Variants in RBM47 observed in about 807,000 individuals in gnomAD.
The protein encoded by RBM47 is RNA binding motif protein 47.
In RBM47, 21 loss-of-function variants were observed where a neutral mutation model predicts 47.1. That is an observed-to-expected ratio of 0.45 (90% CI 0.32 to 0.64). The LOEUF is 0.64. RBM47 is among the 30% of genes least tolerant of loss of function. RBM47 has a pLI of 0.05. For synonymous variants in RBM47, 375 were observed against 361.7 expected (o/e 1.04, Z -0.42); for missense variants, 708 against 870.9 (o/e 0.81, Z 2.35).
chr4:40,616,874 C>CTTTTTTTTTTTTTTTTTTT (rs1300005872), intron 1 of RBM47, among the ~76,000 whole-genome samples: 4 of 111,668 alleles, frequency 3.6e-5, no homozygotes, highest in Non-Finnish European at 5.2e-5. Flanking sequence ...ATTTTCTTTT[C>CTTTTTTTTTTTTTTTTTTT]TTTTTTTTTT....
chr4:40,507,935 G>A (rs13106220), intron 2 of RBM47, among the ~76,000 whole-genome samples: 39,125 of 151,700 alleles, frequency 0.26, 5,462 homozygotes, highest in African/African-American at 0.32. Flanking sequence ...GCGTGGTGGC[G>A]CATGCCTGTA....
chr4:40,426,876 CTCAA>C (rs1715135211), intron 6 of RBM47: 1 of 152,304 alleles, frequency 6.6e-6, no homozygotes, highest in African/African-American at 2.4e-5. Context: ...TACCATTCCA[CTCAA>C]TCAGTCTATG....
intron 2 of RBM47, among the ~76,000 whole-genome samples, chr4:40,492,243 G>T (rs1214150521): frequency 6.6e-6 from 1 of 151,984 alleles, no homozygotes; most frequent in Admixed American, 6.6e-5. Context: ...GGGGGTATGC[G>T]CCTGTAGTCC....
At chr4:40,472,628 G>GA (rs1264119746) in intron 2 of RBM47, among the ~76,000 whole-genome samples, 5 of 150,316 alleles carry the variant, frequency 3.3e-5, no homozygotes, top group African/African-American at 7.3e-5. Flanking sequence ...GGACTAAAAT[G>GA]AAAAAAATGG....
chr4:40,629,513 T>C lies in RBM47; in HGVS notation c.-357A>G, dbSNP rs1229221449. 6.6e-6 allele frequency: 1 copy of C among 152,188 alleles called. No individual in the cohort carries two copies. Among genetic ancestry groups the C allele is most frequent in the African/African-American group, 2.4e-5 (1 of 41,446 alleles). The allele number at this position is 152,188 out of a possible 1,614,324, so 9.4% of individuals were successfully genotyped here. On this transcript the variant is annotated 5_prime_UTR_variant, in exon 1 of 7. Coordinates refer to ENST00000295971, the MANE Select transcript of RBM47 (RefSeq NM_001098634.2). ...AACATCTTCTCGTCCGCCTTCTTTT[T>C]AATGTAAAACCAAAATAAGGAGTGT... is the stretch of plus-strand genomic sequence containing the variant.
At chr4:40,592,897 G>A (rs1369779452) in intron 1 of RBM47, among the ~76,000 whole-genome samples, 4 of 122,764 alleles carry the variant, frequency 3.3e-5, no homozygotes, top group African/African-American at 1.3e-4. Context: ...GTTTACTAAC[G>A]TCCTCATCCA....
intron 3 of RBM47, among the ~76,000 whole-genome samples, chr4:40,454,425 A>G (rs776019513): frequency 1.3e-5 from 2 of 152,188 alleles, no homozygotes; most frequent in Non-Finnish European, 2.9e-5. Context: ...GAATGAAGCT[A>G]AGTAAGGGTG....
At chr4:40,582,303 G>GC (rs1403955839) in intron 1 of RBM47, among the ~76,000 whole-genome samples, 1 of 152,124 alleles carries the variant, frequency 6.6e-6, no homozygotes, top group African/African-American at 2.4e-5. Context: ...GGAGGCCAAG[G>GC]CAGGAGGATC....
chr4:40,518,000 A>C (rs575802685), intron 2 of RBM47, among the ~76,000 whole-genome samples: 1 of 152,224 alleles, frequency 6.6e-6, no homozygotes, highest in East Asian at 1.9e-4. Flanking sequence ...TATATAAACA[A>C]ATGCCAGAAT....
intron 3 of RBM47, among the ~76,000 whole-genome samples, chr4:40,443,717 CAAAAAAAAAAA>C (rs10581870): frequency 2.1e-4 from 10 of 47,720 alleles, no homozygotes; most frequent in South Asian, 1.4e-3. Context: ...AACTCCTTCT[CAAAAAAAAAAA>C]AAAAAAAAAA....
At chr4:40,472,018 A>G (rs7672163) in intron 2 of RBM47, among the ~76,000 whole-genome samples, 35,411 of 152,062 alleles carry the variant, frequency 0.23, 5,174 homozygotes, top group African/African-American at 0.4. Flanking sequence ...ACCATATGAA[A>G]TTGCTATTTT....
chr4:40,538,810 A>G (rs941204685), intron 2 of RBM47, among the ~76,000 whole-genome samples: 5 of 150,324 alleles, frequency 3.3e-5, no homozygotes, highest in African/African-American at 1.2e-4. Flanking sequence ...ATTTTTTTGT[A>G]TTTTTAATAG....
At chr4:40,487,910 T>C (rs1328088970) in intron 2 of RBM47, among the ~76,000 whole-genome samples, 1 of 149,846 alleles carries the variant, frequency 6.7e-6, no homozygotes. Context: ...TATTTTGTAA[T>C]TTCTCTGCAC....
At chr4:40,430,802 A>T (rs1715867755) in intron 6 of RBM47, among the ~76,000 whole-genome samples, 1 of 152,202 alleles carries the variant, frequency 6.6e-6, no homozygotes, top group Non-Finnish European at 1.5e-5. Flanking sequence ...TCTGTTTTTT[A>T]AAAAATGTAG....
chr4:40,623,668 G>A (rs184315349), intron 1 of RBM47, among the ~76,000 whole-genome samples: 8 of 152,124 alleles, frequency 5.3e-5, no homozygotes, highest in Admixed American at 3.9e-4. Context: ...GAACCACCAC[G>A]CTCAGCTCTT....
intron 2 of RBM47, among the ~76,000 whole-genome samples, chr4:40,539,689 G>A (rs1407404108): frequency 2.4e-5 from 3 of 123,742 alleles, no homozygotes; most frequent in Non-Finnish European, 3.2e-5. Context: ...GCAGTCAACC[G>A]AGATTGTGCC....
chr4:40,506,604 G>A (rs1724131796), intron 2 of RBM47, among the ~76,000 whole-genome samples: 1 of 152,202 alleles, frequency 6.6e-6, no homozygotes, highest in African/African-American at 2.4e-5. Flanking sequence ...CCAGCATGAG[G>A]TCAACCTTGT....
At chr4:40,516,242 TTC>T (rs1272003171) in intron 2 of RBM47, among the ~76,000 whole-genome samples, 4 of 149,932 alleles carry the variant, frequency 2.7e-5, no homozygotes, top group African/African-American at 7.3e-5. Flanking sequence ...AGGGCGATGA[TTC>T]TCTTTTTCTT....
At chr4:40,619,782 T>C (rs140924598) in intron 1 of RBM47, among the ~76,000 whole-genome samples, 1 of 152,272 alleles carries the variant, frequency 6.6e-6, no homozygotes, top group African/African-American at 2.4e-5. Context: ...CCTGGTTCCT[T>C]CAGAACACTA....
Sources: gnomAD v4.1 joint callset for allele counts (sites outside exome capture counted in the v4.1 genomes callset) on GRCh38, gnomAD v4.1.1 for gene constraint, MANE v1.5 for transcripts, NCBI Gene and HGNC (gene_info 2026-07-23, HGNC 2026-07-21) for gene names.